Variants in KATNBL1 observed in about 807,000 individuals in gnomAD.
KATNBL1 encodes KATNB1-like protein 1.
KATNBL1 carries 28 observed loss-of-function variants against 44.7 expected under a neutral mutation model. The observed-to-expected ratio is 0.63, with a 90% CI of 0.46 to 0.86. The LOEUF (loss-of-function observed/expected upper bound fraction) is 0.86, where lower values mean the gene tolerates loss of function less well. KATNBL1 is among the 40% of genes least tolerant of loss of function. The pLI is 0.00. For missense variants in KATNBL1, 272 were observed against 350.7 expected, an observed-to-expected ratio of 0.78 and a Z score of 1.79; for synonymous variants, 78 against 114.9, an observed-to-expected ratio of 0.68 and a Z score of 2.06.
intron 2 of KATNBL1, among the ~76,000 whole-genome samples, chr15:34,160,021 T>A (rs1262280605): frequency 6.6e-6 from 1 of 152,212 alleles, no homozygotes; most frequent in Non-Finnish European, 1.5e-5. Context: ...TCAAGGGCTG[T>A]TGGTGGGACT....
intron 9 of KATNBL1, chr15:34,142,858 T>G (rs1399847077): frequency 2.1e-5 from 7 of 330,342 alleles, no homozygotes; most frequent in South Asian, 1.6e-4. Flanking sequence ...ACTACAGGTG[T>G]GCACCACCAC....
chr15:34,163,065 T>A (rs1035366890), intron 2 of KATNBL1, among the ~76,000 whole-genome samples: 1 of 147,236 alleles, frequency 6.8e-6, no homozygotes, highest in African/African-American at 2.5e-5. Context: ...TTTTTTGATA[T>A]GGAGTTTTGC....
chr15:34,147,359 T>C, intron 6 of KATNBL1, 21 bp downstream of exon 6: 2 of 1,608,942 alleles, frequency 1.2e-6, no homozygotes, highest in Non-Finnish European at 1.7e-6. Flanking sequence ...TTATTTTTTT[T>C]CTGAAAAATA....
chr15:34,189,267 G>A (rs1443524068), intron 1 of KATNBL1, among the ~76,000 whole-genome samples: 1 of 152,072 alleles, frequency 6.6e-6, no homozygotes, highest in Non-Finnish European at 1.5e-5. Context: ...CAGGTTATCC[G>A]CCCGCCTCAG....
intron 7 of KATNBL1, 63 bp downstream of exon 7, chr15:34,147,137 A>G: frequency 9.6e-7 from 1 of 1,047,034 alleles, no homozygotes; most frequent in South Asian, 1.3e-5. Flanking sequence ...CTATGTACTC[A>G]CAAAGCACAA....
At chr15:34,205,095 G>GT (rs1662389036) in intron 1 of KATNBL1, among the ~76,000 whole-genome samples, 2 of 151,568 alleles carry the variant, frequency 1.3e-5, no homozygotes, top group South Asian at 4.1e-4. Flanking sequence ...CCGGGTTCAA[G>GT]TGACTCCCCT....
chr15:34,199,263 C>G (rs1210031169), intron 1 of KATNBL1, among the ~76,000 whole-genome samples: 1 of 152,118 alleles, frequency 6.6e-6, no homozygotes, highest in African/African-American at 2.4e-5. Context: ...ATGGCAAAAC[C>G]CCGTCTCTAC....
intron 1 of KATNBL1, among the ~76,000 whole-genome samples, chr15:34,175,482 G>A (rs1288655454): frequency 1.3e-5 from 2 of 152,158 alleles, no homozygotes; most frequent in East Asian, 3.8e-4. Flanking sequence ...AACGTACATA[G>A]TCTGCACCCT....
At chr15:34,194,458 A>T (rs1468133722) in intron 1 of KATNBL1, among the ~76,000 whole-genome samples, 1 of 152,112 alleles carries the variant, frequency 6.6e-6, no homozygotes, top group Non-Finnish European at 1.5e-5. Context: ...AAAATAAGAA[A>T]AAAAAACTTT....
chr15:34,194,207 T>G (rs1300320031), intron 1 of KATNBL1, among the ~76,000 whole-genome samples: 2 of 152,188 alleles, frequency 1.3e-5, no homozygotes, highest in Non-Finnish European at 2.9e-5. Context: ...CACAAAGTGG[T>G]GGGATTATAG....
At chr15:34,153,820 T>G (rs889071490) in intron 3 of KATNBL1, among the ~76,000 whole-genome samples, 1 of 152,200 alleles carries the variant, frequency 6.6e-6, no homozygotes, top group Non-Finnish European at 1.5e-5. Context: ...CCACCCACCT[T>G]GGCCTCCTAA....
intron 1 of KATNBL1, among the ~76,000 whole-genome samples, chr15:34,181,463 CT>C (rs1889521583): frequency 6.6e-6 from 1 of 150,888 alleles, no homozygotes; most frequent in Non-Finnish European, 1.5e-5. Flanking sequence ...TACTGAAGGT[CT>C]TCATAATTAG....
chr15:34,188,815 T>A (rs916560229), intron 1 of KATNBL1, among the ~76,000 whole-genome samples: 4 of 152,202 alleles, frequency 2.6e-5, no homozygotes, highest in African/African-American at 7.2e-5. Flanking sequence ...GTCCTTTTCA[T>A]GAACTCCCCA....
At chr15:34,184,595 CAG>C (rs1295650142) in intron 1 of KATNBL1, among the ~76,000 whole-genome samples, 15 of 1,314 alleles carry the variant, frequency 0.011, no homozygotes, top group Non-Finnish European at 4.3e-3. Context: ...TTTTTTGAGA[CAG>C]AGTCTCGCTC....
intron 1 of KATNBL1, among the ~76,000 whole-genome samples, chr15:34,182,337 ACTG>A (rs1336928447): frequency 6.6e-6 from 1 of 152,220 alleles, no homozygotes; most frequent in African/African-American, 2.4e-5. Context: ...GTAAGTTATT[ACTG>A]CTATTATCAC....
At chr15:34,162,680 G>A (rs1888843830) in intron 2 of KATNBL1, among the ~76,000 whole-genome samples, 1 of 152,200 alleles carries the variant, frequency 6.6e-6, no homozygotes, top group African/African-American at 2.4e-5. Flanking sequence ...TATGAACACA[G>A]CTCACTGTAG....
At chr15:34,177,156 T>C (rs1218636810) in intron 1 of KATNBL1, among the ~76,000 whole-genome samples, 1 of 152,196 alleles carries the variant, frequency 6.6e-6, no homozygotes, top group Non-Finnish European at 1.5e-5. Context: ...ACATTGGATA[T>C]AGTGCATATT....
chr15:34,200,752 A>G (rs997231348), intron 1 of KATNBL1, among the ~76,000 whole-genome samples: 1 of 152,218 alleles, frequency 6.6e-6, no homozygotes, highest in African/African-American at 2.4e-5. Flanking sequence ...CCTGAAATAA[A>G]AATTACAAAA....
Position 34,204,795 on chromosome 15 carries a change from C to A in KATNBL1, c.-15+5156G>T, listed in dbSNP as rs551567107. Reference sequence around the variant, plus strand: ...AATTAAGTAATTATTGAGTACAGGCCACTGTAAGGGAAAAGAATAAAAAGG... The same window carrying A: ...AATTAAGTAATTATTGAGTACAGGCAACTGTAAGGGAAAAGAATAAAAAGG... On this transcript the variant is annotated intron_variant, in intron 1 of 9. Transcript: ENST00000256544. 2.0e-5 allele frequency among the ~76,000 whole-genome samples: 3 copies of A among 152,072 alleles called. 1 individual carries two copies. In the South Asian group the frequency reaches 6.2e-4, roughly 32 times the overall value.
Sources: gnomAD v4.1 joint callset for allele counts (sites outside exome capture counted in the v4.1 genomes callset) on GRCh38, gnomAD v4.1.1 for gene constraint, MANE v1.5 for transcripts, NCBI Gene and HGNC (gene_info 2026-07-23, HGNC 2026-07-21) for gene names.